The following ST18 variants were observed in gnomAD, a reference collection of about 807,000 sequenced individuals.
ST18 encodes ST18 C2H2C-type zinc finger transcription factor.
ST18 carries 50 observed loss-of-function variants against 110.0 expected under a neutral mutation model. The ratio of observed to expected loss-of-function variants is 0.45; its 90% CI spans 0.36 to 0.58. The LOEUF is 0.58. Ranked by LOEUF, ST18 falls within the 20% of genes least tolerant of loss-of-function variation. The pLI is 0.00. For synonymous variants in ST18, 461 were observed against 452.4 expected (o/e 1.02, Z -0.24); for missense variants, 1,306 against 1,280.1 (o/e 1.02, Z -0.31).
intron 2 of ST18, among the ~76,000 whole-genome samples, chr8:52,393,241 T>A (rs191769999): frequency 2.8e-4 from 43 of 152,252 alleles, no homozygotes; most frequent in African/African-American, 1.0e-3. Flanking sequence ...TAGGAAAGTG[T>A]TATGAATGAT....
At chr8:52,314,566 T>G (rs62499841) in intron 2 of ST18, among the ~76,000 whole-genome samples, 18,203 of 152,274 alleles carry the variant, frequency 0.12, 1,460 homozygotes, top group Middle Eastern at 0.24. Flanking sequence ...GTTCTGATTC[T>G]GTGTAAATCA....
At chr8:52,346,906 A>C (rs1353808160) in intron 2 of ST18, among the ~76,000 whole-genome samples, 5 of 152,206 alleles carry the variant, frequency 3.3e-5, no homozygotes. Flanking sequence ...CGGCTGGAGT[A>C]GGGGAAAGCA....
At chr8:52,211,905 T>C (rs958980640) in intron 8 of ST18, among the ~76,000 whole-genome samples, 174 bp downstream of exon 8, 1 of 152,166 alleles carries the variant, frequency 6.6e-6, no homozygotes, top group Admixed American at 6.5e-5. Flanking sequence ...GGATCGAGTA[T>C]CAGTACAATC....
Position 52,116,369 on chromosome 8 carries a change from A to G in ST18, c.2909T>C (p.Leu970Pro). The G allele has an allele frequency of 6.2e-7, 1 of 1,613,926 alleles. No homozygotes were observed. The highest frequency in any genetic ancestry group is 8.5e-7 in the Non-Finnish European group (1 of 1,179,928). ...NLKTIEEENKLIEQNNESLLK... is the reference protein window; with the variant it reads ...NLKTIEEENKPIEQNNESLLK... ...CAGACTTTCATTGTTCTGTTCTATGAGTTTGTTCTCCTCCTCTATCGTCTT... is the reference window on the plus strand; with the variant it reads ...CAGACTTTCATTGTTCTGTTCTATGGGTTTGTTCTCCTCCTCTATCGTCTT... The change falls in exon 25 of 26, where the codon CTC (leucine) becomes CCC (proline). Residue 970 changes from leucine (L) to proline (P), a missense_variant. Coordinates refer to ENST00000689386, the MANE Select transcript of ST18 (RefSeq NM_001352837.2).
intron 2 of ST18, among the ~76,000 whole-genome samples, chr8:52,252,499 C>T (rs2138370945): frequency 7.3e-6 from 1 of 137,094 alleles, no homozygotes; most frequent in Non-Finnish European, 1.6e-5. Context: ...ACACTAATGG[C>T]CACTCTAAAA....
intron 2 of ST18, among the ~76,000 whole-genome samples, chr8:52,354,179 T>A (rs141337971): frequency 5.9e-4 from 90 of 152,254 alleles, no homozygotes; most frequent in South Asian, 1.0e-3. Context: ...GAAAATGAAA[T>A]GGGGAGTGAC....
chr8:52,198,226 C>G (rs559953413), intron 8 of ST18, among the ~76,000 whole-genome samples: 14 of 152,088 alleles, frequency 9.2e-5, no homozygotes, highest in Non-Finnish European at 1.8e-4. Context: ...AGGCTGGTCT[C>G]GAACTCCTGA....
At chr8:52,404,840 T>A (rs559299500) in intron 2 of ST18, 1 of 152,192 alleles carries the variant, frequency 6.6e-6, no homozygotes, top group African/African-American at 2.4e-5. Context: ...AAAATATCTT[T>A]TTAAAAAAAT....
intron 2 of ST18, among the ~76,000 whole-genome samples, chr8:52,359,950 A>G (rs1228337267): frequency 6.6e-6 from 1 of 152,186 alleles, no homozygotes; most frequent in East Asian, 1.9e-4. Context: ...ATAAGAATAG[A>G]TATAGCAACA....
chr8:52,294,641 C>T (rs1169420965), intron 2 of ST18: 1 of 152,244 alleles, frequency 6.6e-6, no homozygotes. Flanking sequence ...AGGCTTACAC[C>T]TTGCTCATAC....
At chr8:52,116,208 T>G in intron 25 of ST18, 67 bp downstream of exon 25, 2 of 1,553,350 alleles carry the variant, frequency 1.3e-6, no homozygotes, top group Non-Finnish European at 1.7e-6. Flanking sequence ...GGCAACCCCG[T>G]GGGTAGATGC....
At chr8:52,183,000 A>T (rs1247104806) in intron 8 of ST18, among the ~76,000 whole-genome samples, 2 of 152,194 alleles carry the variant, frequency 1.3e-5, no homozygotes, top group Admixed American at 1.3e-4. Context: ...TGTTAATATC[A>T]TCATCCAAAT....
chr8:52,198,010 T>C (rs2076740997), intron 8 of ST18, among the ~76,000 whole-genome samples: 1 of 151,630 alleles, frequency 6.6e-6, no homozygotes, highest in African/African-American at 2.4e-5. Context: ...GTGGCTGTTT[T>C]ATTTGTTTGT....
At chr8:52,355,022 C>T (rs781268250) in intron 2 of ST18, among the ~76,000 whole-genome samples, 1 of 152,152 alleles carries the variant, frequency 6.6e-6, no homozygotes, top group Non-Finnish European at 1.5e-5. Flanking sequence ...TTTCAGACTC[C>T]TCATAGCTCT....
intron 2 of ST18, among the ~76,000 whole-genome samples, chr8:52,362,176 T>A (rs1826008326): frequency 6.6e-6 from 1 of 152,212 alleles, no homozygotes; most frequent in Non-Finnish European, 1.5e-5. Flanking sequence ...TAATGGTCAC[T>A]TTTACAAATA....
intron 17 of ST18, among the ~76,000 whole-genome samples, chr8:52,142,647 C>T (rs2055617680): frequency 6.6e-6 from 1 of 152,182 alleles, no homozygotes; most frequent in Non-Finnish European, 1.5e-5. Flanking sequence ...AGTAGAGTCC[C>T]AGAAGACAAC....
intron 2 of ST18, among the ~76,000 whole-genome samples, chr8:52,305,713 A>G (rs2095801475): frequency 1.3e-5 from 2 of 152,054 alleles, no homozygotes; most frequent in South Asian, 4.1e-4. Flanking sequence ...GTATCAGCAA[A>G]TCCTCTGGGC....
chr8:52,390,243 C>T (rs190553832), intron 2 of ST18, among the ~76,000 whole-genome samples: 5 of 152,128 alleles, frequency 3.3e-5, no homozygotes, highest in African/African-American at 1.2e-4. Flanking sequence ...CCTCCCTTCC[C>T]GTTATCTCCC....
chr8:52,337,417 C>T (rs1483442706), intron 2 of ST18, among the ~76,000 whole-genome samples: 1 of 152,198 alleles, frequency 6.6e-6, no homozygotes, highest in African/African-American at 2.4e-5. Context: ...AGTACTCTCT[C>T]TATCTTTCCA....
Sources: gnomAD v4.1 joint callset for allele counts (sites outside exome capture counted in the v4.1 genomes callset) on GRCh38, gnomAD v4.1.1 for gene constraint, MANE v1.5 for transcripts, NCBI Gene and HGNC (gene_info 2026-07-23, HGNC 2026-07-21) for gene names.